Variants in CACNA1C observed in about 807,000 individuals in gnomAD.
CACNA1C encodes the protein calcium voltage-gated channel subunit alpha1 C, also known as voltage-dependent L-type calcium channel subunit alpha-1C.
CACNA1C carries 30 observed loss-of-function variants against 229.0 expected under a neutral mutation model. That is an observed-to-expected ratio of 0.13 (90% CI 0.10 to 0.18). The LOEUF is 0.18. Ranked by LOEUF, CACNA1C falls within the 10% of genes least tolerant of loss-of-function variation. The pLI, the probability that CACNA1C is intolerant of heterozygous loss-of-function variation, is 1.00. For synonymous variants in CACNA1C, 1,114 were observed against 1,132.5 expected (o/e 0.98, Z 0.33); for missense variants, 1,658 against 2,845.0 (o/e 0.58, Z 9.49).
Position 2,108,187 on chromosome 12 carries a change from G to A in CACNA1C, c.50-7037G>A, listed in dbSNP as rs954604497. Among the ~76,000 whole-genome samples the A allele has an allele frequency of 6.6e-6, 1 of 152,190 alleles. No individual in the cohort carries two copies. Among genetic ancestry groups the A allele is most frequent in the African/African-American group, 2.4e-5 (1 of 41,444 alleles). On this transcript the variant is annotated intron_variant, in intron 1 of 46. Transcript: ENST00000399655. This position sits in a 1 kb window ranked among gnomAD's most constrained non-coding sequence, Gnocchi z 5.3. ...GTTCAGGCCTATAACAGAAACTTCT[G>A]TAGCCGTGTTTAGAGGAAAGATAGT...
At chr12:2,265,503 G>A (rs1042205452) in intron 3 of CACNA1C, among the ~76,000 whole-genome samples, 1 of 152,160 alleles carries the variant, frequency 6.6e-6, no homozygotes, top group African/African-American at 2.4e-5. Flanking sequence ...CAGGACTCCT[G>A]TACCCTATCT....
At chr12:2,193,218 G>A (rs946307870) in intron 3 of CACNA1C, among the ~76,000 whole-genome samples, 1 of 152,238 alleles carries the variant, frequency 6.6e-6, no homozygotes, top group African/African-American at 2.4e-5. Context: ...ACTTTGGGAG[G>A]CTGAGGCGGG....
At chr12:2,101,015 A>G (rs1211001489) in intron 1 of CACNA1C, among the ~76,000 whole-genome samples, 2 of 152,010 alleles carry the variant, frequency 1.3e-5, no homozygotes, top group African/African-American at 4.8e-5. Flanking sequence ...AAAAAAAAAA[A>G]AAGAAAAAAG....
chr12:2,318,873 T>G (rs1439440647), intron 3 of CACNA1C, among the ~76,000 whole-genome samples: 12 of 135,890 alleles, frequency 8.8e-5, no homozygotes, highest in African/African-American at 2.6e-4. Flanking sequence ...GGGAGGTGGA[T>G]GGGGAGGGTT....
At chr12:2,154,523 A>G (rs2095454915) in intron 3 of CACNA1C, among the ~76,000 whole-genome samples, 1 of 152,202 alleles carries the variant, frequency 6.6e-6, no homozygotes, top group Non-Finnish European at 1.5e-5. Context: ...GCAGTGGGTC[A>G]GGGAAGAGGC....
rs1363887791 is a variant in CACNA1C at position 2,692,897 on chromosome 12, T to G, written c.*1698T>G. On this transcript the variant is annotated 3_prime_UTR_variant, in exon 47 of 47. Transcript: ENST00000399655. ...CGGATTCACTTCTTGTATATTTTGC[T>G]GCATGTAAAGTAAATCATTTTGTAT... is the stretch of plus-strand genomic sequence containing the variant. 6.5e-6 allele frequency: 1 copy of G among 152,688 alleles called. No individual in the cohort carries two copies. Among genetic ancestry groups the G allele is most frequent in the Non-Finnish European group, 1.5e-5 (1 of 68,044 alleles). The allele number at this position is 152,688 out of a possible 1,614,324, so 9.5% of individuals were successfully genotyped here.
intron 3 of CACNA1C, chr12:2,217,837 C>T (rs2060373504): frequency 6.6e-6 from 1 of 152,172 alleles, no homozygotes; most frequent in African/African-American, 2.4e-5. Flanking sequence ...GCCTAAGTGT[C>T]CTTATTTCAG....
intron 1 of CACNA1C, among the ~76,000 whole-genome samples, chr12:2,112,426 A>T (rs1164343004): frequency 1.8e-5 from 2 of 113,310 alleles, no homozygotes; most frequent in East Asian, 5.4e-4. Context: ...AGGGAGTGTC[A>T]CGTCCTCCGT....
At chr12:2,637,407 C>A (rs1001449686) in intron 30 of CACNA1C, among the ~76,000 whole-genome samples, 2 of 152,216 alleles carry the variant, frequency 1.3e-5, no homozygotes, top group Non-Finnish European at 2.9e-5. Context: ...CTAATTATAA[C>A]TTACAACCCA....
rs1482844186 is a variant in CACNA1C at position 2,493,595 on chromosome 12, C to T, written c.1113+209C>T. ...ACCCTAACGAGTCCCCTCCCCCACCCGCCAGCCTTAGGGGAAGGTCATTTT... is the reference window on the plus strand; with the variant it reads ...ACCCTAACGAGTCCCCTCCCCCACCTGCCAGCCTTAGGGGAAGGTCATTTT... On this transcript the variant is annotated intron_variant, in intron 7 of 46. Coordinates refer to ENST00000399655, the MANE Select transcript of CACNA1C (RefSeq NM_000719.7). The surrounding 1 kb of genome is among the most constrained non-coding windows in gnomAD (Gnocchi z 4.6). Among the ~76,000 whole-genome samples, 2 of 152,172 alleles carry T rather than the reference C, an allele frequency of 1.3e-5. No individual in the cohort carries two copies. Among genetic ancestry groups the T allele is most frequent in the African/African-American group, 2.4e-5 (1 of 41,428 alleles).
At chr12:2,463,815 A>T (rs2099532050) in intron 5 of CACNA1C, among the ~76,000 whole-genome samples, 1 of 151,754 alleles carries the variant, frequency 6.6e-6, no homozygotes, top group Non-Finnish European at 1.5e-5. Flanking sequence ...CTTCATAGAG[A>T]CTCTTCTACA....
intron 1 of CACNA1C, among the ~76,000 whole-genome samples, chr12:2,031,064 GC>G (rs1280662383): frequency 1.3e-5 from 2 of 152,222 alleles, no homozygotes; most frequent in East Asian, 3.8e-4. Context: ...ATGGACAGCA[GC>G]CTAGACCTCT....
At chr12:2,309,916 C>T (rs552638993) in intron 3 of CACNA1C, among the ~76,000 whole-genome samples, 11 of 152,268 alleles carry the variant, frequency 7.2e-5, no homozygotes, top group South Asian at 6.2e-4. Flanking sequence ...CATGAGTTTC[C>T]GAGGTTTCTT....
chr12:2,080,664 C>T (rs2065237540), intron 1 of CACNA1C, among the ~76,000 whole-genome samples: 1 of 151,034 alleles, frequency 6.6e-6, no homozygotes. Context: ...AATAATAGTG[C>T]TATATGAAAA....
intron 3 of CACNA1C, among the ~76,000 whole-genome samples, chr12:2,425,244 A>G (rs866964700): frequency 6.6e-6 from 1 of 152,278 alleles, no homozygotes; most frequent in Non-Finnish European, 1.5e-5. Flanking sequence ...TTGACAGTGT[A>G]TTAAATGTTT....
At chr12:2,534,517 C>G (rs1410086959) in intron 9 of CACNA1C, among the ~76,000 whole-genome samples, 1 of 152,218 alleles carries the variant, frequency 6.6e-6, no homozygotes, top group African/African-American at 2.4e-5. Flanking sequence ...ATCCAATCAA[C>G]CCACTCCTTT....
intron 3 of CACNA1C, among the ~76,000 whole-genome samples, chr12:2,242,242 A>G (rs549217134): frequency 2.6e-5 from 4 of 152,348 alleles, no homozygotes; most frequent in African/African-American, 9.6e-5. Flanking sequence ...TGAAATAAGC[A>G]AGAAAGGTAC....
chr12:2,261,344 C>T (rs1338533234), intron 3 of CACNA1C, among the ~76,000 whole-genome samples: 2 of 152,102 alleles, frequency 1.3e-5, no homozygotes, highest in Admixed American at 1.3e-4. Flanking sequence ...AGTGACATTG[C>T]TTTACATTTG....
intron 29 of CACNA1C, among the ~76,000 whole-genome samples, chr12:2,621,278 A>G (rs1304787614): frequency 6.6e-6 from 1 of 152,090 alleles, no homozygotes; most frequent in Non-Finnish European, 1.5e-5. Context: ...GTGAAGAGGC[A>G]CCTGTTTAAA....
Sources: allele counts gnomAD v4.1 joint callset (sites outside exome capture counted in the v4.1 genomes callset), GRCh38; gene constraint gnomAD v4.1.1; non-coding constraint Gnocchi (gnomAD v3.1); transcripts MANE v1.5; gene names NCBI Gene and HGNC (gene_info 2026-07-23, HGNC 2026-07-21).